NME7: variants seen among roughly 807,000 people sequenced by gnomAD.
The protein encoded by NME7 is NME/NM23 family member 7.
NME7 carries 41 observed loss-of-function variants against 49.1 expected under a neutral mutation model. The ratio of observed to expected loss-of-function variants is 0.83; its 90% CI spans 0.65 to 1.08. The LOEUF (loss-of-function observed/expected upper bound fraction) is 1.08. Among genes scored for constraint, NME7 ranks in the 50% least tolerant of loss-of-function variants. The probability of loss-of-function intolerance (pLI) is 0.00; values close to 1 mark genes in which losing one functional copy is unlikely to be tolerated. For missense variants in NME7, 423 were observed against 463.4 expected, an observed-to-expected ratio of 0.91 and a Z score of 0.80; for synonymous variants, 139 against 150.6, an observed-to-expected ratio of 0.92 and a Z score of 0.56.
chr1:169,246,125 C>G (rs12074492), intron 7 of NME7, among the ~76,000 whole-genome samples: 9,422 of 151,872 alleles, frequency 0.062, 383 homozygotes, highest in East Asian at 0.12. Context: ...CATGGTAAAA[C>G]TTCATGTCTA....
At chr1:169,251,767 G>A (rs1275678159) in intron 7 of NME7, among the ~76,000 whole-genome samples, 2 of 139,874 alleles carry the variant, frequency 1.4e-5, no homozygotes, top group Non-Finnish European at 3.0e-5. Context: ...GTGTCCATGT[G>A]ATCTCATTGT....
chr1:169,318,896 C>T lies in NME7; in HGVS notation c.278+4221G>A, dbSNP rs376806638. 9.0e-4 allele frequency among the ~76,000 whole-genome samples: 137 copies of T among 151,864 alleles called. 1 individual carries two copies. The highest frequency in any genetic ancestry group is 3.1e-3 in the African/African-American group (127 of 41,418). On this transcript the variant is annotated intron_variant, in intron 3 of 11. Transcript: ENST00000367811. Reference sequence around the variant, plus strand: ...GAGATGGAAGCAGCGGTGGGGGTAGCGGTGGTGAAGTGCCATAACAACCAG... The same window carrying T: ...GAGATGGAAGCAGCGGTGGGGGTAGTGGTGGTGAAGTGCCATAACAACCAG...
chr1:169,240,441 T>C (rs1558002795), intron 7 of NME7, among the ~76,000 whole-genome samples: 1 of 152,160 alleles, frequency 6.6e-6, no homozygotes, highest in South Asian at 2.1e-4. Context: ...AGTTGAAAAA[T>C]AGTGGAATAT....
In NME7 at chr1:169,179,931, T is replaced by C. The variant is rs147363361; in HGVS notation, c.991-10377A>G. The stretch of plus-strand genomic sequence containing the variant: ...AACCACCACGGAACACATTTACCCA[T>C]GTAACATGAACATTTACCCCTGAAC... On this transcript the variant is annotated intron_variant, in intron 10 of 11. Coordinates refer to ENST00000367811, the MANE Select transcript of NME7 (RefSeq NM_013330.5). 5.6e-3 allele frequency among the ~76,000 whole-genome samples: 832 copies of C among 148,108 alleles called. 7 individuals carry two copies. The highest frequency in any genetic ancestry group is 0.02 in the African/African-American group (782 of 39,864).
chr1:169,170,414 C>A (rs1320901624), intron 10 of NME7, among the ~76,000 whole-genome samples: 1 of 152,180 alleles, frequency 6.6e-6, no homozygotes, highest in Non-Finnish European at 1.5e-5. Flanking sequence ...GTGGTTCCAT[C>A]ACTTAAGGAT....
In NME7 at chr1:169,356,590, A is replaced by G. The variant is rs1028951965; in HGVS notation, c.3+11118T>C. Among the ~76,000 whole-genome samples, 9 of 152,292 alleles carry G rather than the reference A, an allele frequency of 5.9e-5. No individual in the cohort carries two copies. The South Asian group carries it at 1.2e-3, about 21-fold the overall frequency. On this transcript the variant is annotated intron_variant, in intron 1 of 11. Transcript: ENST00000367811. The stretch of plus-strand genomic sequence containing the variant: ...AATTATATGAATAAGAACTACCTCA[A>G]ATAATTCTGAATAGTCACCAACTCT...
intron 7 of NME7, among the ~76,000 whole-genome samples, chr1:169,261,838 T>G (rs10919118): frequency 0.47 from 62,726 of 132,206 alleles, 22,493 homozygotes; most frequent in East Asian, 0.91. Context: ...CCATGAATAA[T>G]AATTTTAAAC....
intron 10 of NME7, among the ~76,000 whole-genome samples, chr1:169,181,364 T>TACACACACAC (rs58453647): frequency 3.9e-4 from 36 of 91,574 alleles, no homozygotes; most frequent in Middle Eastern, 0.011. Flanking sequence ...CTCAAATTCC[T>TACACACACAC]ACACACACAC....
chr1:169,323,215 T>A lies in NME7; in HGVS notation c.180A>T (p.Leu60Phe), dbSNP rs1419274154. The A allele has an allele frequency of 6.2e-7, 1 of 1,609,160 alleles. No homozygotes were observed. Reference protein sequence around the residue: ...TKYDNLHLEDLFIGNKVNVFS... With the variant: ...TKYDNLHLEDFFIGNKVNVFS... ...AGACATTCACTTTGTTGCCTATAAA[T>A]AAATCTTCCAAGTGCAGGTTATCAT... The change falls in exon 3 of 12, where the codon TTA (leucine) becomes TTT (phenylalanine). Residue 60 changes from leucine to phenylalanine, a missense_variant. Transcript: ENST00000367811.
intron 11 of NME7, among the ~76,000 whole-genome samples, chr1:169,154,394 CAT>C (rs1195112613): frequency 2.6e-5 from 4 of 151,994 alleles, no homozygotes; most frequent in Admixed American, 6.6e-5. Context: ...AATAAAATAA[CAT>C]GTGGTAGTTA....
chr1:169,153,135 T>C (rs1441066466), intron 11 of NME7, among the ~76,000 whole-genome samples: 2 of 152,194 alleles, frequency 1.3e-5, no homozygotes, highest in Admixed American at 1.3e-4. Context: ...GGGGTGATCC[T>C]GGCCAAGTCA....
At chr1:169,198,435 A>G (rs923516719) in intron 10 of NME7, among the ~76,000 whole-genome samples, 16 of 152,262 alleles carry the variant, frequency 1.1e-4, no homozygotes, top group African/African-American at 3.8e-4. Context: ...CAGTCATAAT[A>G]GCCAAAAGAT....
At chr1:169,292,784 A>G (rs1262827684) in intron 6 of NME7, among the ~76,000 whole-genome samples, 2 of 152,174 alleles carry the variant, frequency 1.3e-5, no homozygotes, top group African/African-American at 4.8e-5. Flanking sequence ...GTAGAAAAGT[A>G]TATTCCAGGA....
intron 9 of NME7, among the ~76,000 whole-genome samples, chr1:169,231,611 G>A (rs538589413): frequency 6.6e-6 from 1 of 152,300 alleles, no homozygotes; most frequent in South Asian, 2.1e-4. Flanking sequence ...AACTACTTGA[G>A]GCTGGGGAAA....
At chr1:169,350,056 G>T (rs565104884) in intron 1 of NME7, among the ~76,000 whole-genome samples, 10 of 151,986 alleles carry the variant, frequency 6.6e-5, no homozygotes, top group African/African-American at 7.2e-5. Context: ...GCGGAGTGTG[G>T]TGGTGGGTGC....
At position 169,287,367 on chromosome 1, in the gene NME7, C is replaced by T. The variant is rs373271409; in HGVS notation, c.690G>A (p.Pro230=). 8.7e-6 allele frequency: 14 copies of T among 1,606,266 alleles called. No homozygotes were observed. The East Asian group carries it at 9.0e-5, about 10-fold the overall frequency. Residue 230 remains proline (P), a synonymous_variant, in exon 7 of 12, where the codon CCG becomes CCA. Transcript: ENST00000367811. ...AATTAGTAAATTTAGCAGTGTTTGC[C>T]GGCCCACAACCTCCACTTGAAGGAA... ...LFFPSSGGCG[P]ANTAKFTNCT... is the part of the protein sequence containing the mutation.
intron 1 of NME7, among the ~76,000 whole-genome samples, chr1:169,350,097 C>T (rs193120291): frequency 1.5e-3 from 231 of 151,432 alleles, no homozygotes; most frequent in African/African-American, 5.4e-3. Context: ...GAGGCTGAGG[C>T]AGGAGAATCA....
chr1:169,182,401 G>A (rs12747242), intron 10 of NME7, among the ~76,000 whole-genome samples: 2 of 151,886 alleles, frequency 1.3e-5, no homozygotes, highest in African/African-American at 4.8e-5. Flanking sequence ...ATTCCCTCTC[G>A]TCATAAATGG....
intron 7 of NME7, among the ~76,000 whole-genome samples, chr1:169,243,001 G>A (rs1402719100): frequency 6.6e-6 from 1 of 152,000 alleles, no homozygotes; most frequent in Non-Finnish European, 1.5e-5. Context: ...TAACAAAATT[G>A]TTATCAAAAT....
Sources: gnomAD v4.1 joint callset for allele counts (sites outside exome capture counted in the v4.1 genomes callset) on GRCh38, gnomAD v4.1.1 for gene constraint, MANE v1.5 for transcripts, NCBI Gene and HGNC (gene_info 2026-07-23, HGNC 2026-07-21) for gene names.